The following CR2 variants were observed in gnomAD, a reference collection of about 807,000 sequenced individuals.
CR2 encodes complement C3d receptor 2, also known as complement receptor type 2.
CR2 carries 96 observed loss-of-function variants against 123.0 expected under a neutral mutation model. The ratio of observed to expected loss-of-function variants is 0.78; its 90% CI spans 0.66 to 0.93. The LOEUF (loss-of-function observed/expected upper bound fraction) is 0.93. Ranked by LOEUF, CR2 falls within the 40% of genes least tolerant of loss-of-function variation. CR2 has a pLI of 0.00. For synonymous variants in CR2, 484 were observed against 469.5 expected (o/e 1.03, Z -0.40); for missense variants, 1,258 against 1,361.0 (o/e 0.92, Z 1.19).
chr1:207,478,525 CAAAAAAAAAAA>C (rs36116544), intron 16 of CR2, among the ~76,000 whole-genome samples: 25 of 58,738 alleles, frequency 4.3e-4, no homozygotes, highest in East Asian at 2.9e-3. Flanking sequence ...AAGACCCTAT[CAAAAAAAAAAA>C]AAAAAAAAAA....
At chr1:207,462,028 A>G (rs1023146239) in intron 1 of CR2, among the ~76,000 whole-genome samples, 4 of 152,174 alleles carry the variant, frequency 2.6e-5, no homozygotes, top group Non-Finnish European at 5.9e-5. Context: ...TATGGTATCC[A>G]TACTGTGTTA....
intron 9 of CR2, chr1:207,471,782 C>G: frequency 2.6e-6 from 1 of 387,898 alleles, no homozygotes; most frequent in South Asian, 2.1e-5. Context: ...TTTGGGTATA[C>G]CACAGTTTAG....
At chr1:207,467,904 T>A (rs1269385124) in intron 2 of CR2, among the ~76,000 whole-genome samples, 1 of 152,162 alleles carries the variant, frequency 6.6e-6, no homozygotes, top group South Asian at 2.1e-4. Context: ...ATGCATAGGA[T>A]CCCAATAAAC....
chr1:207,483,795 C>T (rs1194568191), intron 18 of CR2, among the ~76,000 whole-genome samples: 1 of 151,968 alleles, frequency 6.6e-6, no homozygotes, highest in African/African-American at 2.4e-5. Flanking sequence ...TTGAGGTACT[C>T]ATGATTTAGG....
chr1:207,454,355 C>T lies in CR2; in HGVS notation c.-64C>T, dbSNP rs1002036592. 50 of 1,431,294 alleles carry T rather than the reference C, an allele frequency of 3.5e-5. No individual in the cohort carries two copies. The highest frequency in any genetic ancestry group is 4.5e-5 in the Non-Finnish European group (47 of 1,048,998). 88.7% of individuals were successfully genotyped at this position (1,431,294 alleles called of 1,614,324 possible). On this transcript the variant is annotated 5_prime_UTR_variant, in exon 1 of 20. Coordinates refer to ENST00000367057, the MANE Select transcript of CR2 (RefSeq NM_001006658.3). The surrounding 1 kb of genome is among the most constrained non-coding windows in gnomAD (Gnocchi z 4.3). ...CTGCTTGCTGCTCCAGCCTTGCCCT[C>T]CCAGAGCTGCCGGACGCTCGCGGGT...
intron 2 of CR2, among the ~76,000 whole-genome samples, chr1:207,467,150 C>A (rs1327565594): frequency 6.6e-6 from 1 of 152,084 alleles, no homozygotes; most frequent in African/African-American, 2.4e-5. Context: ...TTAAACACAC[C>A]TAATAATTGA....
chr1:207,473,094 T>C lies in CR2; in HGVS notation c.1893T>C (p.Tyr631=), dbSNP rs1331358695. 4.3e-6 allele frequency: 7 copies of C among 1,613,876 alleles called. No homozygotes were observed. The highest frequency in any genetic ancestry group is 4.5e-5 in the East Asian group (2 of 44,892). The part of the protein sequence containing the change: ...FYNDTVTFKC[Y]SGFTLKGSSQ... ...ATGACACTGTGACATTCAAGTGTTA[T>C]AGTGGATTTACTTTGAAGGGCAGTA... Residue 631 remains tyrosine (Y), a synonymous_variant, in exon 10 of 20, where the codon TAT becomes TAC. Transcript: ENST00000367057.
In CR2 at chr1:207,473,045, G is replaced by T. The variant is rs144612840; in HGVS notation, c.1844G>T (p.Gly615Val). The T allele has an allele frequency of 1.1e-5, 18 of 1,613,822 alleles. No individual in the cohort carries two copies. The African/African-American group carries it at 2.3e-4, about 20-fold the overall frequency. ...VHIANGYKIS[G>V]KEAPYFYNDT... ...ATTGCAAATGGATACAAGATATCTG[G>T]CAAGGAAGCCCCATATTTCTACAAT... Residue 615 changes from glycine to valine, a missense_variant, in exon 10 of 20, where the codon GGC becomes GTC. Transcript: ENST00000367057.
intron 1 of CR2, among the ~76,000 whole-genome samples, chr1:207,465,418 TA>T (rs201455101): frequency 0.012 from 1,773 of 152,220 alleles, 29 homozygotes; most frequent in African/African-American, 0.037. Context: ...CATATATATA[TA>T]TATAATTATC....
intron 1 of CR2, among the ~76,000 whole-genome samples, chr1:207,458,363 C>T (rs1657890786): frequency 6.6e-6 from 1 of 151,926 alleles, no homozygotes; most frequent in Non-Finnish European, 1.5e-5. Flanking sequence ...CCAGAATATT[C>T]CTTTAAAAAT....
At chr1:207,484,145 G>C (rs1658685415) in intron 18 of CR2, among the ~76,000 whole-genome samples, 1 of 152,166 alleles carries the variant, frequency 6.6e-6, no homozygotes, top group Non-Finnish European at 1.5e-5. Flanking sequence ...TACTGAGTTT[G>C]CTATCAGAGC....
At chr1:207,485,403 G>A (rs1356430586) in intron 18 of CR2, 61 bp from the exon 19 acceptor site, 1 of 1,053,412 alleles carries the variant, frequency 9.5e-7, no homozygotes, top group Admixed American at 1.7e-5. Flanking sequence ...GCAAACAACT[G>A]CTACATTGAA....
chr1:207,456,606 T>G (rs137988897), intron 1 of CR2, among the ~76,000 whole-genome samples: 1 of 152,330 alleles, frequency 6.6e-6, no homozygotes, highest in African/African-American at 2.4e-5. Flanking sequence ...TAGATTTTAC[T>G]CAAGCCTTCA....
intron 8 of CR2, 76 bp from the exon 9 acceptor site, chr1:207,471,347 C>A: frequency 8.6e-7 from 1 of 1,157,904 alleles, no homozygotes; most frequent in South Asian, 1.2e-5. Flanking sequence ...AGTAGTGAGT[C>A]TGCTTGGGAG....
chr1:207,470,970 A>C (rs760035052), intron 7 of CR2, 27 bp from the exon 8 acceptor site: 2 of 1,613,856 alleles, frequency 1.2e-6, no homozygotes, highest in South Asian at 2.2e-5. Context: ...CCTTGAATTA[A>C]ATTCTCATCC....
intron 1 of CR2, among the ~76,000 whole-genome samples, chr1:207,455,458 T>C (rs1572943301): frequency 6.6e-6 from 1 of 152,252 alleles, no homozygotes; most frequent in East Asian, 1.9e-4. Context: ...TAAATATCAG[T>C]AATAAGCCTC....
intron 9 of CR2, among the ~76,000 whole-genome samples, chr1:207,472,475 C>T (rs907932979): frequency 5.3e-5 from 8 of 152,126 alleles, no homozygotes; most frequent in African/African-American, 1.7e-4. Context: ...CTTTTATTCT[C>T]CTATTGCCTA....
chr1:207,485,553 G>A lies in CR2; in HGVS notation c.3278G>A (p.Ter1093=). 6.3e-7 allele frequency: 1 copy of A among 1,598,482 alleles called. No homozygotes were observed. The highest frequency in any genetic ancestry group is 8.6e-7 in the Non-Finnish European group (1 of 1,165,894). The change falls in exon 19 of 20, where the codon TGA becomes TAA. Residue 1093 remains the stop codon, a stop_retained_variant. Coordinates refer to ENST00000367057, the MANE Select transcript of CR2 (RefSeq NM_001006658.3). The part of the protein sequence containing the change: ...YSVDPYNPAS[*] Reference sequence around the variant, plus strand: ...GTTGATCCATACAACCCAGCCAGCTGATCAGAAGACAAACTGGTGGTATGT... The same window carrying A: ...GTTGATCCATACAACCCAGCCAGCTAATCAGAAGACAAACTGGTGGTATGT...
At chr1:207,486,230 C>CAAAAAAAAAAAAAAAAAAAAAAAAA (rs1173937738) in intron 19 of CR2, among the ~76,000 whole-genome samples, 4 of 43,004 alleles carry the variant, frequency 9.3e-5, no homozygotes, top group East Asian at 1.5e-3. Context: ...GACTGCATCT[C>CAAAAAAAAAAAAAAAAAAAAAAAAA]AAAAAAAAAA....
Sources: gnomAD v4.1 joint callset for allele counts (sites outside exome capture counted in the v4.1 genomes callset) on GRCh38, gnomAD v4.1.1 for gene constraint, Gnocchi (gnomAD v3.1) non-coding constraint, MANE v1.5 for transcripts, NCBI Gene and HGNC (gene_info 2026-07-23, HGNC 2026-07-21) for gene names.